ARB2A: variants seen among roughly 807,000 people sequenced by gnomAD.
The protein encoded by ARB2A is ARB2 cotranscriptional regulator A, also known as cotranscriptional regulator ARB2A.
At chr5:93,772,370 T>C in the ARB2A span, among the ~76,000 whole-genome samples, 1 of 152,104 alleles carries the variant, frequency 6.6e-6, no homozygotes, top group African/African-American at 2.4e-5. Flanking sequence ...GACGAGTTAA[T>C]GGGTGCAGCA....
chr5:93,641,739 C>A, the ARB2A span, among the ~76,000 whole-genome samples: 3 of 152,098 alleles, frequency 2.0e-5, no homozygotes, highest in African/African-American at 7.2e-5. Context: ...TCTATAGTGA[C>A]TTAATAGTAA....
chr5:93,700,265 A>T, the ARB2A span, among the ~76,000 whole-genome samples: 2 of 152,128 alleles, frequency 1.3e-5, no homozygotes, highest in African/African-American at 4.8e-5. Flanking sequence ...TTCAGGTATG[A>T]TGTACCTAAT....
the ARB2A span, among the ~76,000 whole-genome samples, chr5:93,893,950 T>G: frequency 6.6e-6 from 1 of 152,160 alleles, no homozygotes; most frequent in Non-Finnish European, 1.5e-5. Context: ...TCCAAGACTC[T>G]TACTTCTAAT....
At chr5:94,077,478 A>G in the ARB2A span, among the ~76,000 whole-genome samples, 1 of 152,166 alleles carries the variant, frequency 6.6e-6, no homozygotes, top group African/African-American at 2.4e-5. Flanking sequence ...TGCTCTCTTA[A>G]CATAGTGTTA....
chr5:93,705,764 T>C, the ARB2A span, among the ~76,000 whole-genome samples: 1 of 152,092 alleles, frequency 6.6e-6, no homozygotes, highest in East Asian at 1.9e-4. Context: ...TCAGAGAGCA[T>C]AGAGTAAATG....
the ARB2A span, among the ~76,000 whole-genome samples, chr5:94,031,624 G>C: frequency 6.6e-6 from 1 of 152,212 alleles, no homozygotes; most frequent in African/African-American, 2.4e-5. Flanking sequence ...AACCAAGGGT[G>C]TAGCTCACAG....
chr5:94,091,745 T>C, the ARB2A span, among the ~76,000 whole-genome samples: 1 of 152,202 alleles, frequency 6.6e-6, no homozygotes, highest in African/African-American at 2.4e-5. Flanking sequence ...TTTTTAAAAA[T>C]TTAAGATTGT....
chr5:93,955,660 C>T, the ARB2A span, among the ~76,000 whole-genome samples: 1 of 152,202 alleles, frequency 6.6e-6, no homozygotes, highest in South Asian at 2.1e-4. Flanking sequence ...GTTTCTATAA[C>T]TTCTCAATCC....
the ARB2A span, among the ~76,000 whole-genome samples, chr5:93,953,168 C>A: frequency 1.3e-5 from 2 of 152,244 alleles, no homozygotes; most frequent in East Asian, 3.9e-4. Flanking sequence ...GTTTAGTTCA[C>A]CTGGTGAGGT....
At chr5:93,940,823 A>C in the ARB2A span, among the ~76,000 whole-genome samples, 2 of 152,136 alleles carry the variant, frequency 1.3e-5, no homozygotes, top group Non-Finnish European at 2.9e-5. Flanking sequence ...TTAGTGTCTC[A>C]GTTATTTCAA....
the ARB2A span, among the ~76,000 whole-genome samples, chr5:93,957,937 T>A: frequency 6.6e-6 from 1 of 151,812 alleles, no homozygotes; most frequent in Non-Finnish European, 1.5e-5. Context: ...TTTTACTTTT[T>A]ACAAAACTGA....
the ARB2A span, among the ~76,000 whole-genome samples, chr5:94,062,050 A>G: frequency 6.6e-6 from 1 of 152,240 alleles, no homozygotes; most frequent in Admixed American, 6.5e-5. Context: ...TGTAATTAAG[A>G]GAGTGTGGTA....
chr5:93,898,601 G>A, the ARB2A span, among the ~76,000 whole-genome samples: 7 of 151,974 alleles, frequency 4.6e-5, no homozygotes, highest in Non-Finnish European at 7.4e-5. Flanking sequence ...AAGAAAGCTC[G>A]AAATCAACCA....
At chr5:93,683,121 G>T in the ARB2A span, 14 of 1,541,018 alleles carry the variant, frequency 9.1e-6, no homozygotes, top group South Asian at 1.6e-4. Context: ...TTTTTGGCTG[G>T]AGTATCTCGT....
the ARB2A span, among the ~76,000 whole-genome samples, chr5:93,966,507 G>A: frequency 6.6e-6 from 1 of 152,010 alleles, no homozygotes; most frequent in East Asian, 1.9e-4. Flanking sequence ...GAGCAAGTCT[G>A]GAATTTGCAA....
At chr5:93,886,920 T>C in the ARB2A span, among the ~76,000 whole-genome samples, 2 of 151,820 alleles carry the variant, frequency 1.3e-5, no homozygotes, top group Admixed American at 1.3e-4. Context: ...TACCATAATA[T>C]GGACCAACAT....
chr5:93,892,329 G>C, the ARB2A span, among the ~76,000 whole-genome samples: 1 of 152,118 alleles, frequency 6.6e-6, no homozygotes, highest in African/African-American at 2.4e-5. Flanking sequence ...GACTTGGCAA[G>C]CACTATTAAA....
At chr5:93,823,226 T>A in the ARB2A span, among the ~76,000 whole-genome samples, 1 of 152,200 alleles carries the variant, frequency 6.6e-6, no homozygotes, top group African/African-American at 2.4e-5. Flanking sequence ...ATTATTAGAA[T>A]TGATTATATC....
At chr5:94,007,020 T>A in the ARB2A span, among the ~76,000 whole-genome samples, 41 of 152,312 alleles carry the variant, frequency 2.7e-4, no homozygotes, top group African/African-American at 8.9e-4. Flanking sequence ...TTGTTCTATT[T>A]TCTTGCCACT....
Sources: allele counts gnomAD v4.1 joint callset (sites outside exome capture counted in the v4.1 genomes callset), GRCh38; gene constraint gnomAD v4.1.1; transcripts MANE v1.5; gene names NCBI Gene and HGNC (gene_info 2026-07-23, HGNC 2026-07-21).